The following XPNPEP3 variants were observed in gnomAD, a reference collection of about 807,000 sequenced individuals.
XPNPEP3 encodes X-prolyl aminopeptidase 3.
In XPNPEP3, 41 loss-of-function variants were observed where a neutral mutation model predicts 60.0. The ratio of observed to expected loss-of-function variants is 0.68; its 90% CI spans 0.53 to 0.89. The LOEUF (loss-of-function observed/expected upper bound fraction) is 0.89, where lower values mean the gene tolerates loss of function less well. XPNPEP3 is among the 40% of genes least tolerant of loss of function. The pLI, the probability that XPNPEP3 is intolerant of heterozygous loss-of-function variation, is 0.00. For missense variants in XPNPEP3, 598 were observed against 638.9 expected (o/e 0.94, Z 0.69); for synonymous variants, 212 against 223.2 (o/e 0.95, Z 0.45).
intron 4 of XPNPEP3, 91 bp from the exon 5 acceptor site, chr22:40,907,496 G>A: frequency 1.5e-6 from 2 of 1,311,482 alleles, no homozygotes; most frequent in South Asian, 2.4e-5. Context: ...GTGGGAAAAG[G>A]TGCTTTTCAT....
At chr22:40,866,741 G>A (rs1458450437) in intron 1 of XPNPEP3, among the ~76,000 whole-genome samples, 1 of 152,174 alleles carries the variant, frequency 6.6e-6, no homozygotes, top group Non-Finnish European at 1.5e-5. Context: ...TTTAATGTAA[G>A]TAAAAAGCTA....
chr22:40,930,747 G>A lies in XPNPEP3; in HGVS notation c.*4312G>A, dbSNP rs1385284451. 2 of 151,312 alleles carry A rather than the reference G, an allele frequency of 1.3e-5. No individual in the cohort carries two copies. Among genetic ancestry groups the A allele is most frequent in the Non-Finnish European group, 2.9e-5 (2 of 67,898 alleles). The allele number at this position is 151,312 out of a possible 1,614,324, so 9.4% of individuals were successfully genotyped here. A position where few individuals can be genotyped will look rare whatever the true frequency, so the allele number is the denominator to read the frequency against. The stretch of plus-strand genomic sequence containing the variant: ...ACCACACCCAATTTTTGTATTTTTA[G>A]TAGAGACGGGGTTTCACCATCTTGG... On this transcript the variant is annotated 3_prime_UTR_variant, in exon 10 of 10. Transcript: ENST00000357137.
chr22:40,903,324 CAT>C (rs574511999), intron 4 of XPNPEP3, among the ~76,000 whole-genome samples: 40 of 152,280 alleles, frequency 2.6e-4, no homozygotes, highest in Non-Finnish European at 4.4e-4. Context: ...AACCATTCCT[CAT>C]ATGTTATATT....
rs1425981163 is a variant in XPNPEP3, at chr22:40,909,281, C to T, written c.969+46C>T. On this transcript the variant is annotated intron_variant, in intron 6 of 9. Transcript: ENST00000357137. ...GCTACTCCCACTAGGTCCAGATAGC[C>T]TAGTAGAAAACCTGCTAACCTCATG... The T allele has an allele frequency of 2.7e-6, 4 of 1,503,400 alleles. No homozygotes were observed. In the African/African-American group the frequency reaches 4.1e-5, roughly 16 times the overall value. The allele number at this position is 1,503,400 out of a possible 1,614,324, so 93.1% of individuals were successfully genotyped here. A position where few individuals can be genotyped will look rare whatever the true frequency, so the allele number is the denominator to read the frequency against.
At chr22:40,910,095 AT>A (rs1476511135) in intron 6 of XPNPEP3, among the ~76,000 whole-genome samples, 1 of 151,822 alleles carries the variant, frequency 6.6e-6, no homozygotes, top group Non-Finnish European at 1.5e-5. Context: ...AAAGAAAAAA[AT>A]ATAGCAAACA....
At chr22:40,885,873 T>C (rs1356490380) in intron 3 of XPNPEP3, among the ~76,000 whole-genome samples, 1 of 152,010 alleles carries the variant, frequency 6.6e-6, no homozygotes, top group African/African-American at 2.4e-5. Context: ...TCCCAGCTAC[T>C]TGGGAGGCTG....
intron 4 of XPNPEP3, among the ~76,000 whole-genome samples, chr22:40,895,226 G>C (rs770628535): frequency 1.6e-4 from 25 of 152,066 alleles, no homozygotes; most frequent in Admixed American, 5.2e-4. Flanking sequence ...AGATCCCCTG[G>C]TAGCATGCTG....
chr22:40,861,913 G>A, intron 1 of XPNPEP3: 4 of 1,613,662 alleles, frequency 2.5e-6, no homozygotes, highest in Non-Finnish European at 3.4e-6. Flanking sequence ...TGCCATTTAA[G>A]TGCCACTTTA....
chr22:40,897,023 C>A (rs2058110862), intron 4 of XPNPEP3, among the ~76,000 whole-genome samples: 2 of 144,718 alleles, frequency 1.4e-5, no homozygotes, highest in Non-Finnish European at 1.5e-5. Flanking sequence ...ACAATGTTTC[C>A]TTCATCTTTT....
chr22:40,862,274 T>G (rs2057954873), intron 1 of XPNPEP3: 1 of 1,124,248 alleles, frequency 8.9e-7, no homozygotes, highest in Non-Finnish European at 1.1e-6. Flanking sequence ...TACCAGACCA[T>G]CCTGAATCCT....
At chr22:40,914,489 C>T (rs2058188299) in intron 7 of XPNPEP3, among the ~76,000 whole-genome samples, 165 bp downstream of exon 7, 1 of 147,334 alleles carries the variant, frequency 6.8e-6, no homozygotes, top group African/African-American at 2.5e-5. Context: ...TTCATCATAT[C>T]ACTGGATGAG....
chr22:40,857,201 C>T lies in XPNPEP3; in HGVS notation c.20C>T (p.Ala7Val). 2 of 1,614,206 alleles carry T rather than the reference C, an allele frequency of 1.2e-6. No individual in the cohort carries two copies. Among genetic ancestry groups the T allele is most frequent in the Non-Finnish European group, 1.7e-6 (2 of 1,180,030 alleles). MPWLLS[A>V]PKLVPAVANV... ...GCCGTAATGCCTTGGCTGCTCTCAG[C>T]CCCCAAGCTGGTTCCCGCTGTAGCA... Residue 7 changes from alanine (A) to valine (V), a missense_variant, in exon 1 of 10, where the codon GCC (alanine) becomes GTC (valine). Coordinates refer to ENST00000357137, the MANE Select transcript of XPNPEP3 (RefSeq NM_022098.4).
At chr22:40,906,296 C>T (rs1044658829) in intron 4 of XPNPEP3, among the ~76,000 whole-genome samples, 2 of 151,868 alleles carry the variant, frequency 1.3e-5, no homozygotes, top group African/African-American at 4.8e-5. Flanking sequence ...TGGCATGCAT[C>T]TGTAGTCCCA....
At chr22:40,892,177 T>G (rs1569023491) in intron 4 of XPNPEP3, among the ~76,000 whole-genome samples, 1 of 151,998 alleles carries the variant, frequency 6.6e-6, no homozygotes, top group African/African-American at 2.4e-5. Flanking sequence ...CATTGGCAAA[T>G]GTATTTCTTT....
intron 3 of XPNPEP3, among the ~76,000 whole-genome samples, chr22:40,885,273 T>A (rs1020438425): frequency 6.6e-6 from 1 of 152,196 alleles, no homozygotes; most frequent in Admixed American, 6.5e-5. Flanking sequence ...CTCACTTGGA[T>A]TGTTAGGAAT....
chr22:40,886,270 G>T, intron 3 of XPNPEP3, 43 bp from the exon 4 acceptor site: 1 of 1,587,670 alleles, frequency 6.3e-7, no homozygotes, highest in South Asian at 1.1e-5. Flanking sequence ...TCTTGTTGCT[G>T]GTAGTTTTGT....
rs2058148809 is a variant in XPNPEP3, at chr22:40,904,937, TG to T, written c.793-2649del. 2.6e-5 allele frequency among the ~76,000 whole-genome samples: 4 copies of T among 152,202 alleles called. No individual in the cohort carries two copies. In the South Asian group the frequency reaches 6.2e-4, roughly 24 times the overall value. Reference sequence around the variant, plus strand: ...CCACCACTATGCCCAGCAAATTTTTTGTATTTTTAGTGGAGACAGCAGGATT... The same window carrying T: ...CCACCACTATGCCCAGCAAATTTTTTTATTTTTAGTGGAGACAGCAGGATT... On this transcript the variant is annotated intron_variant, in intron 4 of 9. Transcript: ENST00000357137.
intron 4 of XPNPEP3, among the ~76,000 whole-genome samples, chr22:40,895,358 CAG>C (rs903291467): frequency 6.0e-5 from 9 of 149,326 alleles, no homozygotes; most frequent in African/African-American, 1.7e-4. Context: ...TTTTTTGAGG[CAG>C]AGTTTTGATC....
intron 1 of XPNPEP3, among the ~76,000 whole-genome samples, chr22:40,857,700 C>T (rs11538997): frequency 3.9e-5 from 6 of 152,232 alleles, no homozygotes; most frequent in African/African-American, 9.6e-5. Flanking sequence ...CGTTCTGTGT[C>T]TGAAAGTCCT....
Sources: gnomAD v4.1 joint callset for allele counts (sites outside exome capture counted in the v4.1 genomes callset) on GRCh38, gnomAD v4.1.1 for gene constraint, MANE v1.5 for transcripts, NCBI Gene and HGNC (gene_info 2026-07-23, HGNC 2026-07-21) for gene names.